The following STK32B variants were observed in gnomAD, a reference collection of about 807,000 sequenced individuals.
STK32B encodes the protein serine/threonine-protein kinase 32B.
STK32B carries 43 observed loss-of-function variants against 52.6 expected under a neutral mutation model. The observed-to-expected ratio is 0.82, with a 90% CI of 0.64 to 1.05. STK32B has a LOEUF of 1.05. Among genes scored for constraint, STK32B ranks in the 50% least tolerant of loss-of-function variants. The probability of loss-of-function intolerance (pLI) is 0.00; values close to 1 mark genes in which losing one functional copy is unlikely to be tolerated. For missense variants in STK32B, 621 were observed against 534.6 expected (o/e 1.16, Z -1.59); for synonymous variants, 238 against 204.3 (o/e 1.17, Z -1.41).
At chr4:5,299,007 C>T (rs1261667746) in intron 3 of STK32B, among the ~76,000 whole-genome samples, 1 of 152,034 alleles carries the variant, frequency 6.6e-6, no homozygotes, top group Non-Finnish European at 1.5e-5. Flanking sequence ...AGCACTGTCG[C>T]TCACGGCACA....
chr4:5,145,608 A>G (rs1240644466), intron 2 of STK32B, among the ~76,000 whole-genome samples: 1 of 152,214 alleles, frequency 6.6e-6, no homozygotes, highest in East Asian at 1.9e-4. Context: ...TCTTTTGTTT[A>G]AAGCTTCATA....
chr4:5,461,511 G>A (rs560085346), intron 9 of STK32B, among the ~76,000 whole-genome samples: 5 of 152,292 alleles, frequency 3.3e-5, no homozygotes, highest in East Asian at 1.9e-4. Flanking sequence ...GCACACGCAC[G>A]TTTCTGAACA....
intron 3 of STK32B, among the ~76,000 whole-genome samples, chr4:5,245,404 T>C (rs1402983254): frequency 6.6e-6 from 1 of 152,238 alleles, no homozygotes; most frequent in Non-Finnish European, 1.5e-5. Flanking sequence ...TTGCAACCCC[T>C]GCCTTTTTTT....
intron 3 of STK32B, among the ~76,000 whole-genome samples, chr4:5,218,710 C>A (rs1002322392): frequency 8.0e-6 from 1 of 125,152 alleles, no homozygotes; most frequent in Admixed American, 8.3e-5. Flanking sequence ...TGGAAAAGTT[C>A]TAAAAACTTA....
chr4:5,336,384 A>G (rs1456470545), intron 4 of STK32B, among the ~76,000 whole-genome samples: 7 of 151,990 alleles, frequency 4.6e-5, no homozygotes, highest in African/African-American at 1.7e-4. Context: ...ACATCATAGG[A>G]TTATCAGACA....
chr4:5,277,857 A>C (rs948672549), intron 3 of STK32B, among the ~76,000 whole-genome samples: 6 of 152,194 alleles, frequency 3.9e-5, no homozygotes, highest in Non-Finnish European at 7.3e-5. Context: ...GCCTTTGACC[A>C]TCCATAAGAA....
At chr4:5,355,363 G>T (rs536665146) in intron 4 of STK32B, among the ~76,000 whole-genome samples, 53 of 152,266 alleles carry the variant, frequency 3.5e-4, no homozygotes, top group African/African-American at 1.3e-3. Context: ...TCCATGCACA[G>T]ACCCTAGTAG....
chr4:5,370,428 G>A (rs1735153282), intron 4 of STK32B, among the ~76,000 whole-genome samples: 1 of 152,196 alleles, frequency 6.6e-6, no homozygotes, highest in Non-Finnish European at 1.5e-5. Context: ...GGTAAAGATG[G>A]TTGTGAAGAG....
At chr4:5,195,864 A>G (rs1346592014) in intron 3 of STK32B, among the ~76,000 whole-genome samples, 4 of 152,196 alleles carry the variant, frequency 2.6e-5, no homozygotes, top group African/African-American at 9.6e-5. Flanking sequence ...TTATCAACTC[A>G]CTTGAACTGG....
intron 3 of STK32B, among the ~76,000 whole-genome samples, chr4:5,203,601 G>A (rs1288888289): frequency 6.6e-6 from 1 of 152,150 alleles, no homozygotes; most frequent in African/African-American, 2.4e-5. Flanking sequence ...AAGAGGACAT[G>A]TTCCTTTTAC....
intron 1 of STK32B, among the ~76,000 whole-genome samples, chr4:5,068,823 G>T (rs764862068): frequency 1.8e-4 from 28 of 152,142 alleles, no homozygotes; most frequent in Non-Finnish European, 3.8e-4. Flanking sequence ...TAAAAATTAA[G>T]ACGGATGCAA....
rs547346150 is a variant in STK32B at position 5,258,754 on chromosome 4, A to G, written c.261-72466A>G. ...AACAGCTTCATGCCTGGTTACCCCA[A>G]TTGTCCCTTTGCCCCTGTTAGTCAA... is the stretch of plus-strand genomic sequence containing the variant. On this transcript the variant is annotated intron_variant, in intron 3 of 11. Coordinates refer to ENST00000282908, the MANE Select transcript of STK32B (RefSeq NM_018401.3). 2.8e-4 allele frequency among the ~76,000 whole-genome samples: 42 copies of G among 152,226 alleles called. No individual in the cohort carries two copies. The South Asian group carries it at 3.3e-3, about 12-fold the overall frequency.
chr4:5,270,766 T>C (rs928533813), intron 3 of STK32B, among the ~76,000 whole-genome samples: 1 of 152,196 alleles, frequency 6.6e-6, no homozygotes, highest in African/African-American at 2.4e-5. Flanking sequence ...AAACTTTATT[T>C]GCTGGCAGAT....
At chr4:5,021,345 T>C in the STK32B span, among the ~76,000 whole-genome samples, 191 of 152,294 alleles carry the variant, frequency 1.3e-3, no homozygotes, top group African/African-American at 3.9e-3. Flanking sequence ...CAAGATGACA[T>C]AGGGACCGCG....
chr4:5,051,765 T>A lies in STK32B; in HGVS notation c.-99T>A. On this transcript the variant is annotated 5_prime_UTR_variant, in exon 1 of 12. Coordinates refer to ENST00000282908, the MANE Select transcript of STK32B (RefSeq NM_018401.3). ...CTCCGCGCGCGGCTACAACCCGGAC[T>A]GGGCGCGCCCCCGGCATCCCGCATC... 1 of 1,515,200 alleles carries A rather than the reference T, an allele frequency of 6.6e-7. No homozygotes were observed. The highest frequency in any genetic ancestry group is 8.9e-7 in the Non-Finnish European group (1 of 1,123,766). The allele number at this position is 1,515,200 out of a possible 1,614,324, so 93.9% of individuals were successfully genotyped here. A position where few individuals can be genotyped will look rare whatever the true frequency, so the allele number is the denominator to read the frequency against.
chr4:5,064,278 TTTA>T (rs1742325726), intron 1 of STK32B, among the ~76,000 whole-genome samples: 1 of 145,598 alleles, frequency 6.9e-6, no homozygotes, highest in East Asian at 2.0e-4. Flanking sequence ...ATGATATATA[TTTA>T]TTATATATTA....
chr4:5,048,902 C>T (rs1245310297), upstream of STK32B, among the ~76,000 whole-genome samples: 8 of 152,236 alleles, frequency 5.3e-5, no homozygotes, highest in Admixed American at 5.2e-4. Context: ...CAGGCACATT[C>T]TCTATGGATG....
chr4:5,482,563 T>C (rs1475544899), intron 11 of STK32B, among the ~76,000 whole-genome samples: 2 of 152,190 alleles, frequency 1.3e-5, no homozygotes, highest in Non-Finnish European at 1.5e-5. Flanking sequence ...TTTTCCTAAT[T>C]GAATACCCTT....
At chr4:5,061,757 C>T (rs1208144003) in intron 1 of STK32B, among the ~76,000 whole-genome samples, 1 of 152,064 alleles carries the variant, frequency 6.6e-6, no homozygotes, top group African/African-American at 2.4e-5. Flanking sequence ...GTGTTCTTAC[C>T]AAAGCCTGGG....
Sources: allele counts gnomAD v4.1 joint callset (sites outside exome capture counted in the v4.1 genomes callset), GRCh38; gene constraint gnomAD v4.1.1; transcripts MANE v1.5; gene names NCBI Gene and HGNC (gene_info 2026-07-23, HGNC 2026-07-21).